Variants in FAM135B observed in about 807,000 individuals in gnomAD.
FAM135B encodes the protein protein FAM135B.
A neutral mutation model predicts 127.7 loss-of-function variants in FAM135B; 43 were observed. The observed-to-expected ratio is 0.34, with a 90% confidence interval of 0.26 to 0.43. The LOEUF (loss-of-function observed/expected upper bound fraction) is 0.43, where lower values mean the gene tolerates loss of function less well. Ranked by LOEUF, FAM135B falls within the 20% of genes least tolerant of loss-of-function variation. The pLI is 1.00. For synonymous variants in FAM135B, 670 were observed against 665.1 expected, an observed-to-expected ratio of 1.01 and a Z score of -0.11; for missense variants, 1,558 against 1,725.6, an observed-to-expected ratio of 0.90 and a Z score of 1.72.
chr8:138,418,624 G>A (rs778200159), intron 1 of FAM135B, among the ~76,000 whole-genome samples: 2 of 151,998 alleles, frequency 1.3e-5, no homozygotes, highest in Non-Finnish European at 2.9e-5. Context: ...CAAGACAGAA[G>A]AGATTGAAAG....
chr8:138,464,212 G>A (rs1472599639), intron 1 of FAM135B, among the ~76,000 whole-genome samples: 3 of 152,100 alleles, frequency 2.0e-5, no homozygotes, highest in Admixed American at 6.6e-5. Context: ...TGGCTGAGAC[G>A]TCACTGAGCA....
intron 7 of FAM135B, among the ~76,000 whole-genome samples, chr8:138,235,506 G>A (rs1563802071): frequency 6.6e-6 from 1 of 152,178 alleles, no homozygotes; most frequent in African/African-American, 2.4e-5. Flanking sequence ...AAGAATATGA[G>A]GGTGTTCACA....
chr8:138,344,366 A>G (rs529878098), intron 2 of FAM135B, among the ~76,000 whole-genome samples: 21 of 152,236 alleles, frequency 1.4e-4, no homozygotes, highest in African/African-American at 4.6e-4. Flanking sequence ...TCGCCTCTCC[A>G]GCAGCCATGG....
At position 138,133,433 on chromosome 8, in the gene FAM135B, T is replaced by G. The variant is rs73714174; in HGVS notation, c.4016-635A>C. 4.8e-3 allele frequency among the ~76,000 whole-genome samples: 725 copies of G among 152,330 alleles called. 8 individuals are homozygous for G. Among genetic ancestry groups the G allele is most frequent in the African/African-American group, 0.017 (692 of 41,572 alleles). On this transcript the variant is annotated intron_variant, in intron 19 of 19. Transcript: ENST00000395297. ...TGAATTGCTGAACAATAGATAGATT[T>G]GCACACCTGGATCTACGATTCATAT... is the stretch of plus-strand genomic sequence containing the variant.
intron 9 of FAM135B, among the ~76,000 whole-genome samples, chr8:138,191,324 G>A (rs368837646): frequency 6.6e-6 from 1 of 152,148 alleles, no homozygotes; most frequent in East Asian, 1.9e-4. Flanking sequence ...GACACATAAC[G>A]CAGGACAATA....
intron 1 of FAM135B, among the ~76,000 whole-genome samples, chr8:138,428,784 G>A (rs763782576): frequency 2.0e-5 from 3 of 152,134 alleles, no homozygotes; most frequent in Non-Finnish European, 4.4e-5. Flanking sequence ...TAAACTGCCC[G>A]TTATTTTTAG....
At chr8:138,204,679 A>G (rs1817421577) in intron 7 of FAM135B, among the ~76,000 whole-genome samples, 1 of 152,252 alleles carries the variant, frequency 6.6e-6, no homozygotes, top group African/African-American at 2.4e-5. Context: ...TTCCTAGATT[A>G]CAATAATAAT....
At chr8:138,279,520 C>A (rs910884544) in intron 3 of FAM135B, among the ~76,000 whole-genome samples, 4 of 152,228 alleles carry the variant, frequency 2.6e-5, no homozygotes, top group African/African-American at 2.4e-5. Context: ...ATAAGCTGCA[C>A]AGGCTCTGAC....
intron 1 of FAM135B, among the ~76,000 whole-genome samples, chr8:138,446,227 G>A (rs544510293): frequency 1.3e-5 from 2 of 152,168 alleles, no homozygotes; most frequent in Non-Finnish European, 2.9e-5. Flanking sequence ...TGGCCATATT[G>A]CCCAAGGTAA....
At chr8:138,465,632 G>C (rs1397258297) in intron 1 of FAM135B, among the ~76,000 whole-genome samples, 2 of 152,126 alleles carry the variant, frequency 1.3e-5, no homozygotes, top group Non-Finnish European at 1.5e-5. Flanking sequence ...CATGCAGCCA[G>C]CAGAACTCCA....
At chr8:138,445,973 A>C (rs1248574171) in intron 1 of FAM135B, among the ~76,000 whole-genome samples, 1 of 152,206 alleles carries the variant, frequency 6.6e-6, no homozygotes, top group Non-Finnish European at 1.5e-5. Flanking sequence ...ATACAAAATC[A>C]ATGTGCAAAA....
At chr8:138,389,626 TACAG>T (rs1358553915) in intron 1 of FAM135B, among the ~76,000 whole-genome samples, 2 of 152,100 alleles carry the variant, frequency 1.3e-5, no homozygotes, top group Non-Finnish European at 2.9e-5. Flanking sequence ...GACAAATCCA[TACAG>T]ACAGAGAGCA....
chr8:138,182,293 G>C (rs1456417375), intron 9 of FAM135B, among the ~76,000 whole-genome samples: 1 of 152,216 alleles, frequency 6.6e-6, no homozygotes, highest in East Asian at 1.9e-4. Flanking sequence ...ACAGATGCCC[G>C]AGCCTGTGCA....
intron 6 of FAM135B, among the ~76,000 whole-genome samples, chr8:138,246,738 C>T (rs1170125206): frequency 1.3e-5 from 2 of 152,168 alleles, no homozygotes; most frequent in Non-Finnish European, 2.9e-5. Flanking sequence ...GGGCCACCAT[C>T]CCCCAGACTC....
intron 19 of FAM135B, among the ~76,000 whole-genome samples, chr8:138,133,838 C>G (rs943353628): frequency 2.6e-5 from 4 of 152,054 alleles, no homozygotes; most frequent in Admixed American, 1.3e-4. Context: ...ACAGCTGGAC[C>G]CCCCCATCAC....
At chr8:138,457,025 CAAA>C (rs11320792) in intron 1 of FAM135B, among the ~76,000 whole-genome samples, 10 of 136,428 alleles carry the variant, frequency 7.3e-5, no homozygotes, top group Non-Finnish European at 1.1e-4. Context: ...ATAAAAGGAA[CAAA>C]AAAAAAAAAG....
intron 1 of FAM135B, among the ~76,000 whole-genome samples, chr8:138,420,660 T>C (rs1185365199): frequency 1.3e-5 from 2 of 151,966 alleles, no homozygotes; most frequent in Non-Finnish European, 2.9e-5. Flanking sequence ...AGTAGGCTTT[T>C]TTTCCTAGGA....
At chr8:138,207,409 C>G (rs1430310522) in intron 7 of FAM135B, among the ~76,000 whole-genome samples, 1 of 151,956 alleles carries the variant, frequency 6.6e-6, no homozygotes, top group Non-Finnish European at 1.5e-5. Flanking sequence ...GGAGTTTCAT[C>G]ATGTTGGTCA....
At chr8:138,278,787 G>T (rs1824042271) in intron 3 of FAM135B, among the ~76,000 whole-genome samples, 1 of 151,860 alleles carries the variant, frequency 6.6e-6, no homozygotes, top group Admixed American at 6.6e-5. Flanking sequence ...TGGAGAACAT[G>T]ATTTTTTCTT....
Sources: allele counts gnomAD v4.1 joint callset (sites outside exome capture counted in the v4.1 genomes callset), GRCh38; gene constraint gnomAD v4.1.1; transcripts MANE v1.5; gene names NCBI Gene and HGNC (gene_info 2026-07-23, HGNC 2026-07-21).